RAP1A: variants seen among roughly 807,000 people sequenced by gnomAD.
The protein encoded by RAP1A is RAP1A, member of RAS oncogene family, also known as ras-related protein Rap-1A.
RAP1A carries 6 observed loss-of-function variants against 26.4 expected under a neutral mutation model. The ratio of observed to expected loss-of-function variants is 0.23; its 90% CI spans 0.12 to 0.45. The LOEUF (loss-of-function observed/expected upper bound fraction) is 0.45. RAP1A is among the 20% of genes least tolerant of loss of function. RAP1A has a pLI of 0.99. For missense variants in RAP1A, 121 were observed against 217.2 expected (o/e 0.56, Z 2.78); for synonymous variants, 73 against 79.4 (o/e 0.92, Z 0.43).
intron 1 of RAP1A, among the ~76,000 whole-genome samples, chr1:111,556,447 C>CA (rs1657495762): frequency 6.6e-6 from 1 of 152,160 alleles, no homozygotes; most frequent in Admixed American, 6.5e-5. Context: ...GATATTTGTA[C>CA]ACCCATGTTT....
intron 1 of RAP1A, among the ~76,000 whole-genome samples, chr1:111,662,912 T>TGTC (rs35940345): frequency 6.6e-6 from 1 of 151,974 alleles, no homozygotes; most frequent in African/African-American, 2.4e-5. Flanking sequence ...TCTTTGGTTT[T>TGTC]GTTGTTGTTG....
intron 1 of RAP1A, among the ~76,000 whole-genome samples, chr1:111,650,118 T>TA (rs1660217953): frequency 9.8e-5 from 9 of 92,280 alleles, no homozygotes; most frequent in African/African-American, 2.8e-4. Flanking sequence ...TTTTTTTTTT[T>TA]ACATTTACTA....
At chr1:111,669,044 A>G (rs892242106) in intron 1 of RAP1A, among the ~76,000 whole-genome samples, 7 of 148,992 alleles carry the variant, frequency 4.7e-5, no homozygotes, top group Non-Finnish European at 8.8e-5. Flanking sequence ...AAAAAAAAAA[A>G]AAAAGAAAGA....
At chr1:111,624,481 C>T (rs1346286773) in intron 1 of RAP1A, among the ~76,000 whole-genome samples, 2 of 152,178 alleles carry the variant, frequency 1.3e-5, no homozygotes, top group Non-Finnish European at 1.5e-5. Flanking sequence ...GTCTCCTGCA[C>T]ACAGTTGTGA....
At chr1:111,585,900 G>A (rs1658356980) in intron 1 of RAP1A, among the ~76,000 whole-genome samples, 1 of 152,294 alleles carries the variant, frequency 6.6e-6, no homozygotes, top group Non-Finnish European at 1.5e-5. Flanking sequence ...TGTGACCTCA[G>A]GATTAATCAC....
At chr1:111,648,885 C>T in intron 1 of RAP1A, 1 of 792,182 alleles carries the variant, frequency 1.3e-6, no homozygotes, top group Non-Finnish European at 2.2e-6. Flanking sequence ...CATGGTCAAC[C>T]CAGAGCTGGC....
At chr1:111,594,002 CT>C (rs1439293544) in intron 1 of RAP1A, among the ~76,000 whole-genome samples, 1 of 152,156 alleles carries the variant, frequency 6.6e-6, no homozygotes, top group East Asian at 1.9e-4. Flanking sequence ...AGTTCAGGGA[CT>C]AGCTTACAAA....
intron 1 of RAP1A, among the ~76,000 whole-genome samples, chr1:111,591,720 A>C (rs1335654239): frequency 6.6e-6 from 1 of 152,158 alleles, no homozygotes; most frequent in African/African-American, 2.4e-5. Context: ...GTCACCAGAG[A>C]CCTGGATCCT....
At chr1:111,640,208 A>G (rs1200329317) in intron 1 of RAP1A, among the ~76,000 whole-genome samples, 4 of 152,220 alleles carry the variant, frequency 2.6e-5, no homozygotes, top group African/African-American at 4.8e-5. Flanking sequence ...CTTCAAATTC[A>G]TTTAACTGAA....
At chr1:111,605,281 A>G (rs1658748749) in intron 1 of RAP1A, among the ~76,000 whole-genome samples, 1 of 152,238 alleles carries the variant, frequency 6.6e-6, no homozygotes, top group South Asian at 2.1e-4. Flanking sequence ...AAATAAACGT[A>G]CATATGTTTA....
rs909314038 is a variant in RAP1A, at chr1:111,715,650, T to C, written c.*3249T>C. 1 of 152,260 alleles carries C rather than the reference T, an allele frequency of 6.6e-6. No homozygotes were observed. Among genetic ancestry groups the C allele is most frequent in the Non-Finnish European group, 1.5e-5 (1 of 68,044 alleles). 9.4% of individuals were successfully genotyped at this position (152,260 alleles called of 1,614,324 possible). A position where few individuals can be genotyped will look rare whatever the true frequency, so the allele number is the denominator to read the frequency against. The stretch of plus-strand genomic sequence containing the variant: ...TCTGAACTAATCTGTGTTTGGCACC[T>C]TGATTTGCCATCATAAATGGCCACC... On this transcript the variant is annotated 3_prime_UTR_variant, in exon 8 of 8. Coordinates refer to ENST00000369709, the MANE Select transcript of RAP1A (RefSeq NM_002884.4).
At chr1:111,659,556 C>T (rs755766208) in intron 1 of RAP1A, among the ~76,000 whole-genome samples, 5 of 150,052 alleles carry the variant, frequency 3.3e-5, no homozygotes, top group African/African-American at 4.9e-5. Flanking sequence ...TTTTAGGGTA[C>T]ATGTGCACAT....
At chr1:111,677,897 G>C (rs1236106738) in intron 1 of RAP1A, among the ~76,000 whole-genome samples, 1 of 151,420 alleles carries the variant, frequency 6.6e-6, no homozygotes, top group African/African-American at 2.5e-5. Context: ...CAGGATCATT[G>C]ATTGAGAGCT....
At position 111,715,885 on chromosome 1, in the gene RAP1A, A is replaced by G. The variant is rs1489208597; in HGVS notation, c.*3484A>G. Reference sequence around the variant, plus strand: ...TGCCCCATTACCCTTGTAGATACACATGTATTTGTCAGTTTATGTGCCTCA... The same window carrying G: ...TGCCCCATTACCCTTGTAGATACACGTGTATTTGTCAGTTTATGTGCCTCA... On this transcript the variant is annotated 3_prime_UTR_variant, in exon 8 of 8. Transcript: ENST00000369709. 3 of 152,238 alleles carry G rather than the reference A, an allele frequency of 2.0e-5. No homozygotes were observed. The highest frequency in any genetic ancestry group is 2.9e-5 in the Non-Finnish European group (2 of 68,040). 9.4% of individuals were successfully genotyped at this position (152,238 alleles called of 1,614,324 possible).
chr1:111,696,005 G>C (rs536110414), intron 3 of RAP1A, among the ~76,000 whole-genome samples: 8 of 152,126 alleles, frequency 5.3e-5, no homozygotes, highest in Non-Finnish European at 1.0e-4. Flanking sequence ...GGTGGGGTGA[G>C]GCTATGCATT....
intron 1 of RAP1A, among the ~76,000 whole-genome samples, chr1:111,669,174 A>C (rs1660897833): frequency 6.6e-6 from 1 of 152,210 alleles, no homozygotes; most frequent in Admixed American, 6.5e-5. Flanking sequence ...ACAGAAATGG[A>C]AAATATGTAA....
At chr1:111,676,927 A>G (rs1661143799) in intron 1 of RAP1A, among the ~76,000 whole-genome samples, 1 of 151,766 alleles carries the variant, frequency 6.6e-6, no homozygotes, top group Admixed American at 6.6e-5. Context: ...CCGAGTAGCC[A>G]GGATTACAGG....
At chr1:111,690,841 A>G (rs994344984) in intron 1 of RAP1A, among the ~76,000 whole-genome samples, 1 of 152,208 alleles carries the variant, frequency 6.6e-6, no homozygotes, top group Non-Finnish European at 1.5e-5. Context: ...CACATCTTTA[A>G]TTATTTTCAA....
At chr1:111,659,612 C>T (rs1660570767) in intron 1 of RAP1A, among the ~76,000 whole-genome samples, 1 of 151,542 alleles carries the variant, frequency 6.6e-6, no homozygotes, top group Admixed American at 6.6e-5. Flanking sequence ...GCTGGACAGT[C>T]TCTTTTAATT....
Sources: gnomAD v4.1 joint callset for allele counts (sites outside exome capture counted in the v4.1 genomes callset) on GRCh38, gnomAD v4.1.1 for gene constraint, MANE v1.5 for transcripts, NCBI Gene and HGNC (gene_info 2026-07-23, HGNC 2026-07-21) for gene names.